COL25A1: variants seen among roughly 807,000 people sequenced by gnomAD.
COL25A1 encodes the protein collagen type XXV alpha 1 chain, also known as collagen alpha-1(XXV) chain.
In COL25A1, 103 loss-of-function variants were observed where a neutral mutation model predicts 128.4. The observed-to-expected ratio is 0.80, with a 90% CI of 0.68 to 0.94. The LOEUF (loss-of-function observed/expected upper bound fraction) is 0.94, where lower values mean the gene tolerates loss of function less well. COL25A1 is among the 40% of genes least tolerant of loss of function. COL25A1 has a pLI of 0.00. For synonymous variants in COL25A1, 279 were observed against 277.2 expected, an observed-to-expected ratio of 1.01 and a Z score of -0.06; for missense variants, 745 against 840.0, an observed-to-expected ratio of 0.89 and a Z score of 1.40.
At chr4:108,844,867 A>C (rs1253156912) in intron 29 of COL25A1, among the ~76,000 whole-genome samples, 1 of 152,242 alleles carries the variant, frequency 6.6e-6, no homozygotes, top group Non-Finnish European at 1.5e-5. Flanking sequence ...CAAATATTTC[A>C]CTAAGCATAA....
chr4:108,823,695 G>T (rs1732039646), intron 35 of COL25A1, among the ~76,000 whole-genome samples: 1 of 152,098 alleles, frequency 6.6e-6, no homozygotes, highest in Non-Finnish European at 1.5e-5. Context: ...ACTTACTGTA[G>T]TTTATCAGTC....
intron 26 of COL25A1, among the ~76,000 whole-genome samples, chr4:108,849,374 T>C (rs192955250): frequency 9.6e-4 from 147 of 152,352 alleles, no homozygotes; most frequent in Non-Finnish European, 1.6e-3. Flanking sequence ...TCTTAATGCA[T>C]ATGAAATAAC....
intron 3 of COL25A1, among the ~76,000 whole-genome samples, chr4:109,121,941 G>C (rs1768143441): frequency 6.6e-6 from 1 of 152,004 alleles, no homozygotes; most frequent in Admixed American, 6.6e-5. Flanking sequence ...TATCATTCAG[G>C]CTAAAAAGAG....
intron 8 of COL25A1, among the ~76,000 whole-genome samples, chr4:108,941,833 G>A (rs866271089): frequency 6.6e-6 from 1 of 152,160 alleles, no homozygotes; most frequent in Admixed American, 6.5e-5. Flanking sequence ...ATAATGTGGC[G>A]TGAACTCAAC....
At chr4:108,983,917 T>G (rs531143210) in intron 6 of COL25A1, among the ~76,000 whole-genome samples, 21 of 152,048 alleles carry the variant, frequency 1.4e-4, no homozygotes, top group Non-Finnish European at 8.8e-5. Context: ...TTCCACAGTG[T>G]GGAAGGGGAC....
intron 3 of COL25A1, among the ~76,000 whole-genome samples, chr4:109,113,962 TA>T (rs1443074644): frequency 6.6e-6 from 1 of 152,044 alleles, no homozygotes. Context: ...CCATAAGCGC[TA>T]AATGAGAAAA....
intron 30 of COL25A1, among the ~76,000 whole-genome samples, chr4:108,842,902 T>C (rs1466446551): frequency 6.6e-6 from 1 of 152,070 alleles, no homozygotes; most frequent in African/African-American, 2.4e-5. Flanking sequence ...CCTAGCACTT[T>C]GGGAGGCCAA....
chr4:108,825,163 A>T lies in COL25A1; in HGVS notation c.1791+33T>A, dbSNP rs182444007. ...GATGGAGACCATCAACATCTATTATAATAGGATGATGTTTATTGTACTTAT... is the reference window on the plus strand; with the variant it reads ...GATGGAGACCATCAACATCTATTATTATAGGATGATGTTTATTGTACTTAT... On this transcript the variant is annotated intron_variant, in intron 34 of 37. Transcript: ENST00000399132. The T allele has an allele frequency of 1.5e-4, 230 of 1,560,526 alleles. No individual in the cohort carries two copies. In the African/African-American group the frequency reaches 2.9e-3, roughly 20 times the overall value.
At chr4:109,227,572 C>T (rs988967129) in intron 3 of COL25A1, among the ~76,000 whole-genome samples, 1 of 150,310 alleles carries the variant, frequency 6.7e-6, no homozygotes, top group Non-Finnish European at 1.5e-5. Context: ...TTGCAATTAG[C>T]GATTTTCTGC....
At chr4:109,187,378 A>G (rs2126155304) in intron 3 of COL25A1, among the ~76,000 whole-genome samples, 1 of 152,354 alleles carries the variant, frequency 6.6e-6, no homozygotes, top group South Asian at 2.1e-4. Flanking sequence ...TTAAAAACAT[A>G]GATAATGGAG....
chr4:109,042,871 A>G (rs1321158083), intron 5 of COL25A1, among the ~76,000 whole-genome samples: 1 of 152,122 alleles, frequency 6.6e-6, no homozygotes, highest in Non-Finnish European at 1.5e-5. Flanking sequence ...TTAAAAGAGC[A>G]GTCATAAGAT....
chr4:109,293,001 C>T (rs1724616191), intron 3 of COL25A1, among the ~76,000 whole-genome samples: 1 of 151,956 alleles, frequency 6.6e-6, no homozygotes, highest in African/African-American at 2.4e-5. Flanking sequence ...ATCTTATGAT[C>T]ATATCATATA....
In COL25A1 at chr4:109,146,897, C is replaced by T. The variant is rs139566086; in HGVS notation, c.368-96718G>A. On this transcript the variant is annotated intron_variant, in intron 3 of 37. Transcript: ENST00000399132. ...TGTTCCTGGATTCTGCAAACATCTT[C>T]GGACCAAATCTGTGTATGTGTGTGT... 3.3e-5 allele frequency among the ~76,000 whole-genome samples: 5 copies of T among 152,266 alleles called. No individual in the cohort carries two copies. In the East Asian group the frequency reaches 5.8e-4, roughly 18 times the overall value.
intron 3 of COL25A1, among the ~76,000 whole-genome samples, chr4:109,086,339 T>C (rs1160044057): frequency 2.0e-5 from 3 of 152,200 alleles, no homozygotes; most frequent in African/African-American, 7.2e-5. Context: ...AATTAAAACA[T>C]ATGTTGCATG....
At chr4:108,819,558 G>T (rs1731574585) in intron 35 of COL25A1, among the ~76,000 whole-genome samples, 1 of 152,180 alleles carries the variant, frequency 6.6e-6, no homozygotes. Context: ...AATCGTGCCA[G>T]TTCCTTTCGG....
chr4:108,951,666 G>A (rs910472770), intron 8 of COL25A1, among the ~76,000 whole-genome samples: 2 of 152,302 alleles, frequency 1.3e-5, no homozygotes, highest in Non-Finnish European at 2.9e-5. Context: ...GATTACAGGC[G>A]TAAGCCACCG....
At chr4:108,817,540 A>T (rs1237283501) in intron 36 of COL25A1, 105 bp from the exon 37 acceptor site, 22 of 1,031,144 alleles carry the variant, frequency 2.1e-5, no homozygotes, top group Non-Finnish European at 2.7e-5. Context: ...CCCATTAGTG[A>T]CTTTGGTCAT....
chr4:109,090,583 T>C (rs138409921), intron 3 of COL25A1, among the ~76,000 whole-genome samples: 1,600 of 152,364 alleles, frequency 0.011, 18 homozygotes, highest in Admixed American at 0.016. Context: ...AGTTATGTTA[T>C]GTCTAAATGT....
At chr4:108,899,284 A>G in intron 14 of COL25A1, 104 bp from the exon 15 acceptor site, 2 of 1,043,414 alleles carry the variant, frequency 1.9e-6, no homozygotes, top group South Asian at 1.5e-5. Flanking sequence ...TAAATTATGC[A>G]TGACATTTTC....
Sources: allele counts gnomAD v4.1 joint callset (sites outside exome capture counted in the v4.1 genomes callset), GRCh38; gene constraint gnomAD v4.1.1; transcripts MANE v1.5; gene names NCBI Gene and HGNC (gene_info 2026-07-23, HGNC 2026-07-21).